The following ABCA1 variants were observed in gnomAD, a reference collection of about 807,000 sequenced individuals.
The protein encoded by ABCA1 is phospholipid-transporting ATPase ABCA1.
Under a neutral mutation model 262.5 loss-of-function variants are expected in ABCA1, and 133 were observed. The ratio of observed to expected loss-of-function variants is 0.51; its 90% CI spans 0.44 to 0.59. The LOEUF (loss-of-function observed/expected upper bound fraction) is 0.59, where lower values mean the gene tolerates loss of function less well. Ranked by LOEUF, ABCA1 falls within the 20% of genes least tolerant of loss-of-function variation. ABCA1 has a pLI of 0.00. For synonymous variants in ABCA1, 1,022 were observed against 1,043.5 expected (o/e 0.98, Z 0.40); for missense variants, 2,452 against 2,777.5 (o/e 0.88, Z 2.63).
At chr9:104,842,159 A>T (rs1834434003) in intron 8 of ABCA1, among the ~76,000 whole-genome samples, 4 of 152,168 alleles carry the variant, frequency 2.6e-5, no homozygotes, top group Admixed American at 2.6e-4. Context: ...GGCTCTCCAG[A>T]GGTGGGTCAG....
intron 1 of ABCA1, among the ~76,000 whole-genome samples, chr9:104,914,129 T>A (rs910387614): frequency 1.8e-4 from 27 of 151,998 alleles, no homozygotes; most frequent in African/African-American, 6.5e-4. Context: ...TGACTCAGTT[T>A]TCCTGTCCAT....
At chr9:104,794,280 A>G in intron 40 of ABCA1, 107 bp downstream of exon 40, 1 of 1,556,362 alleles carries the variant, frequency 6.4e-7, no homozygotes, top group East Asian at 2.2e-5. Flanking sequence ...GTGGGGGAAC[A>G]TCCTGTGCTT....
In ABCA1 at chr9:104,821,357, C is replaced by T. The variant is rs60913410; in HGVS notation, c.2960+18G>A. The T allele has an allele frequency of 4.6e-3, 7,448 of 1,613,526 alleles. 311 individuals carry two copies. In the African/African-American group the frequency reaches 0.086, roughly 19 times the overall value. ...ACATCCAGAAAAGGCCTATTCTTAA[C>T]GTGCTGCTGGTACTCACATGTCAAA... On this transcript the variant is annotated intron_variant, in intron 20 of 49. Transcript: ENST00000374736.
chr9:104,813,459 T>G (rs1003587904), intron 27 of ABCA1, among the ~76,000 whole-genome samples: 1 of 152,216 alleles, frequency 6.6e-6, no homozygotes, highest in Non-Finnish European at 1.5e-5. Flanking sequence ...TGTTGCCCAG[T>G]CTGGAGTGCA....
At position 104,818,795 on chromosome 9, in the gene ABCA1, G is replaced by A; in HGVS notation, c.3330C>T (p.Cys1110=). 1.9e-6 allele frequency: 3 copies of A among 1,614,076 alleles called. No homozygotes were observed. The highest frequency in any genetic ancestry group is 2.2e-5 in the South Asian group (2 of 91,076). The change falls in exon 23 of 50, where the codon TGC becomes TGT. Residue 1110 remains cysteine (C), a synonymous_variant. Transcript: ENST00000374736. ...TCAGAAACAGGGAGGAGCCCACACA[G>A]CACAGCTTCCCATGGGAGATGATGG... ...RIAIISHGKL[C]CVGSSLFLKN...
chr9:104,861,540 A>C, intron 6 of ABCA1, 139 bp downstream of exon 6: 1 of 1,273,874 alleles, frequency 7.9e-7, no homozygotes, highest in East Asian at 2.3e-5. Context: ...AGGGAAGTAA[A>C]ATTAAGTGAA....
intron 35 of ABCA1, 124 bp from the exon 36 acceptor site, chr9:104,800,112 C>T: frequency 1.9e-6 from 2 of 1,039,244 alleles, no homozygotes; most frequent in South Asian, 1.3e-5. Context: ...CAAGGCAAAA[C>T]ACTATGATCA....
chr9:104,878,303 T>C (rs1588483644), intron 5 of ABCA1, among the ~76,000 whole-genome samples: 2 of 152,344 alleles, frequency 1.3e-5, no homozygotes, highest in South Asian at 4.1e-4. Context: ...ATAAAATGTC[T>C]AAAAAGTTCC....
rs57634286 is a variant in ABCA1 at position 104,855,153 on chromosome 9, G to A, written c.720+3369C>T. 0.02 allele frequency: 19,532 copies of A among 984,760 alleles called. 2,977 individuals are homozygous for A. The African/African-American group carries it at 0.31, about 16-fold the overall frequency. The allele number at this position is 984,760 out of a possible 1,614,324, so 61.0% of individuals were successfully genotyped here. On this transcript the variant is annotated intron_variant, in intron 7 of 49. Transcript: ENST00000374736. ...CTGAAATACTCACCAGGACCACTTC[G>A]CTTGGTATGAGTTCTAACACTGATC...
In ABCA1 at chr9:104,821,019, C is replaced by T. The variant is rs143639369; in HGVS notation, c.2960+356G>A. Reference sequence around the variant, plus strand: ...CAGCACTTTGGGAGACCGAGGTGGGCGGATCACGAGGTCAAGACATTGAGA... The same window carrying T: ...CAGCACTTTGGGAGACCGAGGTGGGTGGATCACGAGGTCAAGACATTGAGA... On this transcript the variant is annotated intron_variant, in intron 20 of 49. Transcript: ENST00000374736. 1.9e-3 allele frequency among the ~76,000 whole-genome samples: 289 copies of T among 152,204 alleles called. 1 individual carries two copies. Among genetic ancestry groups the T allele is most frequent in the Middle Eastern group, 0.014 (4 of 294 alleles).
intron 1 of ABCA1, among the ~76,000 whole-genome samples, chr9:104,915,194 C>T (rs1455625871): frequency 6.6e-6 from 1 of 152,232 alleles, no homozygotes; most frequent in Non-Finnish European, 1.5e-5. Flanking sequence ...CTAGTTCATA[C>T]AGTATCGGCA....
chr9:104,797,883 GA>G (rs767280457), intron 37 of ABCA1, among the ~76,000 whole-genome samples: 1 of 152,166 alleles, frequency 6.6e-6, no homozygotes, highest in Non-Finnish European at 1.5e-5. Flanking sequence ...ATTTCAGGGA[GA>G]TATTGTAAAG....
At chr9:104,923,097 G>T (rs1211121155) in intron 1 of ABCA1, among the ~76,000 whole-genome samples, 1 of 152,140 alleles carries the variant, frequency 6.6e-6, no homozygotes, top group African/African-American at 2.4e-5. Flanking sequence ...TTTCTAAACA[G>T]TAACAGCAGT....
chr9:104,876,205 G>C (rs1262788560), intron 5 of ABCA1, among the ~76,000 whole-genome samples: 1 of 152,200 alleles, frequency 6.6e-6, no homozygotes, highest in Non-Finnish European at 1.5e-5. Flanking sequence ...TCTAGGAATT[G>C]TTTCCAGACC....
At chr9:104,793,449 A>G in intron 40 of ABCA1, 149 bp from the exon 41 acceptor site, 1 of 1,184,446 alleles carries the variant, frequency 8.4e-7, no homozygotes, top group African/African-American at 1.5e-5. Context: ...AAGAGTAACA[A>G]GAGAGTGATC....
intron 18 of ABCA1, 44 bp from the exon 19 acceptor site, chr9:104,822,711 G>A: frequency 3.1e-6 from 5 of 1,608,014 alleles, no homozygotes; most frequent in Non-Finnish European, 4.2e-6. Flanking sequence ...AGAAAGCACT[G>A]AGGAGTGGAG....
intron 20 of ABCA1, among the ~76,000 whole-genome samples, chr9:104,820,389 C>T (rs1012353816): frequency 5.9e-5 from 9 of 152,136 alleles, no homozygotes; most frequent in African/African-American, 2.2e-4. Flanking sequence ...GCTGTCCCCA[C>T]AGCACGTCCA....
At chr9:104,799,376 T>C in intron 36 of ABCA1, 1 of 872,488 alleles carries the variant, frequency 1.1e-6, no homozygotes, top group Non-Finnish European at 1.4e-6. Flanking sequence ...TTAAACTAGC[T>C]CATCCTGGCT....
rs150710986 is a variant in ABCA1, at chr9:104,889,187, C to A, written c.75G>T (p.Leu25=). The A allele has an allele frequency of 5.6e-6, 9 of 1,613,996 alleles. No individual in the cohort carries two copies. The South Asian group carries it at 8.8e-5, about 16-fold the overall frequency. ...LTFRRRQTCQ[L]LLEVAWPLFI... is the part of the protein sequence containing the mutation. ...ATAGAGGCCAGGCCACTTCCAGCAG[C>A]AGCTGACACTGAGTGGGAAATAAGA... The change falls in exon 3 of 50, where the codon CTG becomes CTT. Residue 25 remains leucine, a synonymous_variant. Coordinates refer to ENST00000374736, the MANE Select transcript of ABCA1 (RefSeq NM_005502.4).
Sources: allele counts gnomAD v4.1 joint callset (sites outside exome capture counted in the v4.1 genomes callset), GRCh38; gene constraint gnomAD v4.1.1; transcripts MANE v1.5; gene names NCBI Gene and HGNC (gene_info 2026-07-23, HGNC 2026-07-21).